Variants in SAMD4A observed in about 807,000 individuals in gnomAD.
The protein encoded by SAMD4A is sterile alpha motif domain containing 4A.
Under a neutral mutation model 81.3 loss-of-function variants are expected in SAMD4A, and 33 were observed. The observed-to-expected ratio is 0.41, with a 90% confidence interval of 0.31 to 0.54. The LOEUF is 0.54. SAMD4A is among the 20% of genes least tolerant of loss of function. The pLI is 0.37. For missense variants in SAMD4A, 854 were observed against 951.1 expected, an observed-to-expected ratio of 0.90 and a Z score of 1.34; for synonymous variants, 389 against 382.1, an observed-to-expected ratio of 1.02 and a Z score of -0.21.
At chr14:54,778,684 G>A (rs1378177018) in intron 11 of SAMD4A, among the ~76,000 whole-genome samples, 2 of 152,100 alleles carry the variant, frequency 1.3e-5, no homozygotes, top group Non-Finnish European at 2.9e-5. Flanking sequence ...TCCTCACATG[G>A]CATTTTTAAT....
At chr14:54,773,372 C>T (rs2038755301) in intron 9 of SAMD4A, among the ~76,000 whole-genome samples, 1 of 152,228 alleles carries the variant, frequency 6.6e-6, no homozygotes, top group African/African-American at 2.4e-5. Context: ...GTACAAACCT[C>T]CCCTGTGTCG....
intron 3 of SAMD4A, among the ~76,000 whole-genome samples, chr14:54,734,477 T>C (rs780042335): frequency 6.6e-6 from 1 of 152,218 alleles, no homozygotes; most frequent in Non-Finnish European, 1.5e-5. Flanking sequence ...TCAGGTATAA[T>C]TGATGTTTCC....
At chr14:54,757,393 G>C in intron 6 of SAMD4A, among the ~76,000 whole-genome samples, 1 of 138,840 alleles carries the variant, frequency 7.2e-6, no homozygotes, top group South Asian at 2.3e-4. Flanking sequence ...TTGTGTGTGT[G>C]TGTGTGTGTG....
intron 3 of SAMD4A, among the ~76,000 whole-genome samples, chr14:54,724,007 TGGAAGGAA>T (rs753453738): frequency 1.3e-3 from 161 of 124,250 alleles, no homozygotes; most frequent in Middle Eastern, 3.9e-3. Context: ...GATGGATGGA[TGGAAGGAA>T]GGAAGGAAGG....
intron 11 of SAMD4A, among the ~76,000 whole-genome samples, chr14:54,778,618 G>A (rs1436290244): frequency 6.6e-6 from 1 of 151,948 alleles, no homozygotes; most frequent in Non-Finnish European, 1.5e-5. Context: ...CGCTTTGAGT[G>A]TTTTTTTTAA....
chr14:54,635,715 T>G (rs75285011), intron 2 of SAMD4A, among the ~76,000 whole-genome samples: 1 of 149,928 alleles, frequency 6.7e-6, no homozygotes, highest in African/African-American at 2.5e-5. Context: ...ACCACTGCAC[T>G]CCAGCGACAG....
At chr14:54,772,135 G>A (rs1594925577) in intron 9 of SAMD4A, among the ~76,000 whole-genome samples, 1 of 152,116 alleles carries the variant, frequency 6.6e-6, no homozygotes, top group East Asian at 1.9e-4. Context: ...ATAATACAAA[G>A]GTAACTGCAA....
intron 11 of SAMD4A, among the ~76,000 whole-genome samples, chr14:54,777,083 C>T (rs2038872689): frequency 6.6e-6 from 1 of 152,226 alleles, no homozygotes; most frequent in South Asian, 2.1e-4. Context: ...GAATTATGCA[C>T]AGCTAATGAA....
Position 54,790,635 on chromosome 14 carries a change from A to G in SAMD4A, c.*1691A>G, listed in dbSNP as rs1160603845. On this transcript the variant is annotated 3_prime_UTR_variant, in exon 13 of 13. Transcript: ENST00000554335. ...AGAGGCAAGATCAGGGAGATGGTAC[A>G]AGGCCTGTTTGTTACATGGATGAGT... The G allele has an allele frequency of 6.6e-6, 1 of 151,806 alleles. No individual in the cohort carries two copies. The highest frequency in any genetic ancestry group is 1.5e-5 in the Non-Finnish European group (1 of 68,050). 9.4% of individuals were successfully genotyped at this position (151,806 alleles called of 1,614,324 possible).
rs140431298 is a variant in SAMD4A, at chr14:54,684,248, C to G, written c.197-17814C>G. On this transcript the variant is annotated intron_variant, in intron 2 of 12. Coordinates refer to ENST00000554335, the MANE Select transcript of SAMD4A (RefSeq NM_015589.6). Reference sequence around the variant, plus strand: ...CAATAAATATTTACCGAGTTAGTGACACCTCTAACAGCACCCCCAAATCGC... The same window carrying G: ...CAATAAATATTTACCGAGTTAGTGAGACCTCTAACAGCACCCCCAAATCGC... 2.0e-3 allele frequency among the ~76,000 whole-genome samples: 305 copies of G among 152,318 alleles called. 1 individual carries two copies. Among genetic ancestry groups the G allele is most frequent in the African/African-American group, 6.8e-3 (283 of 41,564 alleles).
chr14:54,753,924 GGGGAAC>G (rs2038174354), intron 6 of SAMD4A, among the ~76,000 whole-genome samples: 1 of 152,124 alleles, frequency 6.6e-6, no homozygotes, highest in Non-Finnish European at 1.5e-5. Flanking sequence ...ATTCTCTTTG[GGGGAAC>G]ATTCAAAAGG....
intron 2 of SAMD4A, among the ~76,000 whole-genome samples, chr14:54,698,259 A>G (rs918791830): frequency 5.9e-5 from 9 of 152,254 alleles, no homozygotes; most frequent in Admixed American, 3.3e-4. Flanking sequence ...ATACATTTAT[A>G]TAATGTTTAT....
intron 2 of SAMD4A, among the ~76,000 whole-genome samples, chr14:54,582,947 G>GT (rs1296734912): frequency 2.6e-5 from 4 of 151,960 alleles, no homozygotes; most frequent in African/African-American, 4.8e-5. Flanking sequence ...CTTAAAAGAT[G>GT]TTTTTTTTCT....
chr14:54,619,008 T>C (rs552431359), intron 2 of SAMD4A, among the ~76,000 whole-genome samples: 1 of 152,334 alleles, frequency 6.6e-6, no homozygotes, highest in Non-Finnish European at 1.5e-5. Flanking sequence ...AGAGCCCCTT[T>C]ATTAATCAAA....
chr14:54,566,142 A>G (rs906421498), upstream of SAMD4A, among the ~76,000 whole-genome samples: 6 of 151,994 alleles, frequency 3.9e-5, no homozygotes, highest in African/African-American at 1.4e-4. Context: ...AGGCAGCAGC[A>G]GCGGCGGCTG....
rs1002789570 is a variant in SAMD4A at position 54,639,568 on chromosome 14, C to T, written c.197-62494C>T. On this transcript the variant is annotated intron_variant, in intron 2 of 12. Coordinates refer to ENST00000554335, the MANE Select transcript of SAMD4A (RefSeq NM_015589.6). ...CATGCAGCACTGGCAGCCCAGGTGGCCTGTTACGGCGGGCAGTACTTCCCT... is the reference window on the plus strand; with the variant it reads ...CATGCAGCACTGGCAGCCCAGGTGGTCTGTTACGGCGGGCAGTACTTCCCT... Among the ~76,000 whole-genome samples, 3 of 152,224 alleles carry T rather than the reference C, an allele frequency of 2.0e-5. No homozygotes were observed. The East Asian group carries it at 5.8e-4, about 29-fold the overall frequency.
chr14:54,746,437 C>T (rs1594890231), intron 4 of SAMD4A, among the ~76,000 whole-genome samples: 1 of 152,154 alleles, frequency 6.6e-6, no homozygotes, highest in African/African-American at 2.4e-5. Context: ...GGATAGGAGC[C>T]TTTTTTAGGA....
At chr14:54,645,887 G>A (rs968663147) in intron 2 of SAMD4A, among the ~76,000 whole-genome samples, 8 of 152,222 alleles carry the variant, frequency 5.3e-5, no homozygotes, top group African/African-American at 1.2e-4. Context: ...TATATAGTCA[G>A]TGGGAATTTG....
At chr14:54,732,072 A>G (rs1165989839) in intron 3 of SAMD4A, among the ~76,000 whole-genome samples, 1 of 152,202 alleles carries the variant, frequency 6.6e-6, no homozygotes, top group East Asian at 1.9e-4. Flanking sequence ...TTGAAGGCTC[A>G]CTCAACAAAG....
Sources: gnomAD v4.1 joint callset for allele counts (sites outside exome capture counted in the v4.1 genomes callset) on GRCh38, gnomAD v4.1.1 for gene constraint, MANE v1.5 for transcripts, NCBI Gene and HGNC (gene_info 2026-07-23, HGNC 2026-07-21) for gene names.